KLHL13: variants seen among roughly 807,000 people sequenced by gnomAD.
The protein encoded by KLHL13 is kelch-like protein 13.
Under a neutral mutation model 37.1 loss-of-function variants are expected in KLHL13, and 10 were observed. That is an observed-to-expected ratio of 0.27 (90% CI 0.17 to 0.46). The LOEUF (loss-of-function observed/expected upper bound fraction) is 0.46. Ranked by LOEUF, KLHL13 falls within the 20% of genes least tolerant of loss-of-function variation. The probability of loss-of-function intolerance (pLI) is 1.00; values close to 1 mark genes in which losing one functional copy is unlikely to be tolerated. For synonymous variants in KLHL13, 163 were observed against 181.2 expected (o/e 0.90, Z 0.81); for missense variants, 360 against 509.3 (o/e 0.71, Z 2.82).
At chrX:118,044,672 C>T (rs1300461169) in intron 1 of KLHL13, among the ~76,000 whole-genome samples, 3 of 111,876 alleles carry the variant, frequency 2.7e-5, no homozygotes, top group African/African-American at 6.5e-5. Context: ...GCTGAGAAAA[C>T]TGGGTATCCA....
At chrX:118,053,375 C>T (rs1044895822) in intron 1 of KLHL13, among the ~76,000 whole-genome samples, 1 of 111,473 alleles carries the variant, frequency 9.0e-6, no homozygotes, top group African/African-American at 3.3e-5. Flanking sequence ...TCATTCTCAG[C>T]AAACTATTGC....
At chrX:118,028,536 A>C in intron 1 of KLHL13, 39 bp from the exon 2 acceptor site, 4 of 622,306 alleles carry the variant, frequency 6.4e-6, no homozygotes, top group Non-Finnish European at 9.9e-6. Flanking sequence ...TACTATGAAG[A>C]TTAACACTGG....
chrX:117,937,666 T>C (rs1427322737), intron 2 of KLHL13, among the ~76,000 whole-genome samples: 5 of 112,032 alleles, frequency 4.5e-5, no homozygotes, highest in Non-Finnish European at 7.5e-5. Flanking sequence ...TGTATACATA[T>C]TGTATAATTT....
intron 1 of KLHL13, among the ~76,000 whole-genome samples, chrX:118,097,445 A>G (rs1001254161): frequency 6.3e-5 from 7 of 111,636 alleles, no homozygotes; most frequent in South Asian, 3.8e-4. Context: ...CAAACAAATG[A>G]AAGAACATTC....
intron 1 of KLHL13, among the ~76,000 whole-genome samples, chrX:118,083,450 A>T (rs1301984069): frequency 8.9e-6 from 1 of 112,063 alleles, no homozygotes. Flanking sequence ...AACTTAGAGG[A>T]CATTATGCTA....
chrX:118,116,646 C>G (rs1285013690), exon 1 of KLHL13: 1 of 112,056 alleles, frequency 8.9e-6, no homozygotes, highest in East Asian at 2.8e-4. Flanking sequence ...ACCCTCTGCT[C>G]GCCCCGACCA....
chrX:118,035,134 T>C (rs898070196), intron 1 of KLHL13, among the ~76,000 whole-genome samples: 2 of 105,035 alleles, frequency 1.9e-5, no homozygotes, highest in East Asian at 2.8e-4. Context: ...CAGGACCAGA[T>C]GGATTCACAG....
At chrX:118,009,661 G>C (rs1257513226) in intron 1 of KLHL13, among the ~76,000 whole-genome samples, 61 of 37,933 alleles carry the variant, frequency 1.6e-3, no homozygotes, top group Non-Finnish European at 2.5e-3. Flanking sequence ...TAGCCTTGTA[G>C]TATAGTTTGA....
intron 1 of KLHL13, among the ~76,000 whole-genome samples, chrX:118,005,675 T>C (rs1333952279): frequency 9.0e-6 from 1 of 111,481 alleles, no homozygotes; most frequent in Non-Finnish European, 1.9e-5. Flanking sequence ...CAAAGGCACA[T>C]AGGTGGCCTC....
intron 5 of KLHL13, among the ~76,000 whole-genome samples, chrX:117,906,938 G>A (rs759348981): frequency 2.0e-4 from 22 of 111,167 alleles, no homozygotes; most frequent in Non-Finnish European, 3.6e-4. Flanking sequence ...TATGAAATAA[G>A]ATTAAAATGG....
At chrX:118,082,318 T>C (rs1303998524) in intron 1 of KLHL13, among the ~76,000 whole-genome samples, 1 of 111,656 alleles carries the variant, frequency 9.0e-6, no homozygotes, top group Admixed American at 9.6e-5. Context: ...GGTGAGATGA[T>C]ATTGCACTGT....
chrX:117,903,947 A>G (rs1053944837), intron 5 of KLHL13, among the ~76,000 whole-genome samples: 38 of 111,135 alleles, frequency 3.4e-4, no homozygotes, highest in Admixed American at 8.7e-4. Flanking sequence ...TTCTTTTTAT[A>G]GTGGAGTTAG....
At chrX:118,001,171 T>C (rs2053916630) in intron 1 of KLHL13, among the ~76,000 whole-genome samples, 1 of 111,756 alleles carries the variant, frequency 8.9e-6, no homozygotes, top group Non-Finnish European at 1.9e-5. Flanking sequence ...CAAACCAGCT[T>C]CCATGAACTA....
chrX:117,944,518 C>T (rs1212477275), intron 2 of KLHL13, among the ~76,000 whole-genome samples: 1 of 111,524 alleles, frequency 9.0e-6, no homozygotes, highest in Non-Finnish European at 1.9e-5. Context: ...CAAGTATAAA[C>T]CTTGTCCCTC....
At chrX:118,080,378 C>T (rs141516117) in intron 1 of KLHL13, among the ~76,000 whole-genome samples, 227 of 110,544 alleles carry the variant, frequency 2.1e-3, no homozygotes, top group African/African-American at 7.0e-3. Flanking sequence ...ATTCAACAAA[C>T]GTCTATTATC....
chrX:117,966,272 A>T (rs1448861061), intron 1 of KLHL13, among the ~76,000 whole-genome samples: 46 of 111,890 alleles, frequency 4.1e-4, no homozygotes, highest in Non-Finnish European at 1.1e-4. Context: ...AATAACAGAA[A>T]ACAGACAGCC....
intron 1 of KLHL13, among the ~76,000 whole-genome samples, chrX:118,073,462 C>G (rs1335567913): frequency 9.0e-6 from 1 of 111,214 alleles, no homozygotes; most frequent in East Asian, 2.8e-4. Context: ...TCCCACAACA[C>G]GTGGAATTTA....
At chrX:118,044,667 G>T (rs2054539741) in intron 1 of KLHL13, among the ~76,000 whole-genome samples, 1 of 111,903 alleles carries the variant, frequency 8.9e-6, no homozygotes, top group African/African-American at 3.2e-5. Flanking sequence ...ATCATGCTGA[G>T]AAAACTGGGT....
At chrX:118,001,025 G>C (rs1186976191) in intron 1 of KLHL13, among the ~76,000 whole-genome samples, 1 of 111,922 alleles carries the variant, frequency 8.9e-6, no homozygotes, top group African/African-American at 3.2e-5. Context: ...AAGAGCATTT[G>C]AACAAGCAAA....
Sources: allele counts gnomAD v4.1 joint callset (sites outside exome capture counted in the v4.1 genomes callset), GRCh38; gene constraint gnomAD v4.1.1; transcripts MANE v1.5; gene names NCBI Gene and HGNC (gene_info 2026-07-23, HGNC 2026-07-21).